Variants in ZNF516 observed in about 807,000 individuals in gnomAD.
ZNF516 encodes zinc finger protein 516.
In ZNF516, 19 loss-of-function variants were observed where a neutral mutation model predicts 79.7. That is an observed-to-expected ratio of 0.24 (90% confidence interval 0.17 to 0.35). ZNF516 has a LOEUF of 0.35. Ranked by LOEUF, ZNF516 falls within the 10% of genes least tolerant of loss-of-function variation. The pLI is 1.00. For missense variants in ZNF516, 1,678 were observed against 1,679.5 expected (o/e 1.00, Z 0.02); for synonymous variants, 877 against 739.5 (o/e 1.19, Z -3.02).
rs1912416768 is a variant in ZNF516 at position 76,451,583 on chromosome 18, ACT to A, written c.-157-8374_-157-8373del. Among the ~76,000 whole-genome samples, 1 of 152,012 alleles carries A rather than the reference ACT, an allele frequency of 6.6e-6. No individual in the cohort carries two copies. The highest frequency in any genetic ancestry group is 2.4e-5 in the African/African-American group (1 of 41,366). ...TACGCTGGTGCGTTTCTGAAGGACG[ACT>A]CTCAGACACGGTTGGTCCCGGCCAC... On this transcript the variant is annotated intron_variant, in intron 2 of 6. Coordinates refer to ENST00000443185, the MANE Select transcript of ZNF516 (RefSeq NM_014643.4). The surrounding 1 kb of genome is among the most constrained non-coding windows in gnomAD (Gnocchi z 6.0).
rs1911833596 is a variant in ZNF516 at position 76,443,219 on chromosome 18, A to T, written c.-157-8T>A. ...GCAGCTGGCAGCCAGCACCTGAAAC[A>T]GAGATGGAACATCATCAGCAAAGCT... is the stretch of plus-strand genomic sequence containing the variant. On this transcript the variant is annotated splice_polypyrimidine_tract_variant and splice_region_variant and intron_variant, in intron 2 of 6. Coordinates refer to ENST00000443185, the MANE Select transcript of ZNF516 (RefSeq NM_014643.4). 7.5e-6 allele frequency: 8 copies of T among 1,061,026 alleles called. No homozygotes were observed. Among genetic ancestry groups the T allele is most frequent in the Non-Finnish European group, 1.0e-5 (8 of 766,878 alleles). 65.7% of individuals were successfully genotyped at this position (1,061,026 alleles called of 1,614,324 possible).
chr18:76,386,502 G>C (rs2074994991), intron 3 of ZNF516: 1 of 152,176 alleles, frequency 6.6e-6, no homozygotes, highest in Non-Finnish European at 1.5e-5. Flanking sequence ...GTTAAGAAAA[G>C]GTAAAAGTTC....
At chr18:76,404,450 T>A (rs958710647) in intron 3 of ZNF516, among the ~76,000 whole-genome samples, 12 of 147,468 alleles carry the variant, frequency 8.1e-5, no homozygotes, top group African/African-American at 3.2e-4. Flanking sequence ...AGTGTGCATG[T>A]GTGTGAGCAA....
At chr18:76,433,702 G>A (rs938322846) in intron 3 of ZNF516, among the ~76,000 whole-genome samples, 2 of 152,162 alleles carry the variant, frequency 1.3e-5, no homozygotes, top group African/African-American at 4.8e-5. Flanking sequence ...CCAAAGGGCT[G>A]GGCAGAAGGG....
intron 4 of ZNF516, chr18:76,372,740 A>G (rs1487438910): frequency 6.6e-6 from 1 of 152,274 alleles, no homozygotes; most frequent in African/African-American, 2.4e-5. Flanking sequence ...AATTTCTTAT[A>G]TGACAGATCA....
At chr18:76,400,079 C>T (rs2187103) in intron 3 of ZNF516, among the ~76,000 whole-genome samples, 2,360 of 152,206 alleles carry the variant, frequency 0.016, 29 homozygotes, top group Middle Eastern at 0.041. Context: ...TTCCTGCACA[C>T]GCCCCCACTT....
chr18:76,400,058 G>GA (rs2075198883), intron 3 of ZNF516, among the ~76,000 whole-genome samples: 1 of 152,144 alleles, frequency 6.6e-6, no homozygotes, highest in African/African-American at 2.4e-5. Context: ...CAGCCCTTCT[G>GA]AAAGTGGCCC....
intron 3 of ZNF516, among the ~76,000 whole-genome samples, chr18:76,410,271 C>A (rs954490478): frequency 2.0e-5 from 3 of 152,182 alleles, no homozygotes; most frequent in Non-Finnish European, 4.4e-5. Context: ...CTGGTTGTCA[C>A]AAAATAGTGG....
At chr18:76,490,697 A>G in intron 1 of ZNF516, 1 of 891,540 alleles carries the variant, frequency 1.1e-6, no homozygotes. Flanking sequence ...TCAAGATTCG[A>G]AACTGCATGG....
At chr18:76,432,993 A>T (rs914193013) in intron 3 of ZNF516, among the ~76,000 whole-genome samples, 1 of 152,154 alleles carries the variant, frequency 6.6e-6, no homozygotes, top group Non-Finnish European at 1.5e-5. Context: ...AACAACACCA[A>T]AAGCGAGACC....
At chr18:76,424,083 A>G (rs2075553461) in intron 3 of ZNF516, among the ~76,000 whole-genome samples, 1 of 110,618 alleles carries the variant, frequency 9.0e-6, no homozygotes, top group Admixed American at 8.7e-5. Flanking sequence ...CTCCTGAAAC[A>G]TACACACGCA....
intron 6 of ZNF516, among the ~76,000 whole-genome samples, chr18:76,366,623 T>C (rs989956843): frequency 4.6e-5 from 7 of 152,242 alleles, no homozygotes; most frequent in South Asian, 2.1e-4. Context: ...GCCATCTGTC[T>C]ACACGGGCGT....
chr18:76,392,587 T>G (rs1599171731), intron 3 of ZNF516, among the ~76,000 whole-genome samples: 1 of 68,534 alleles, frequency 1.5e-5, no homozygotes, highest in Non-Finnish European at 2.9e-5. Context: ...GGAAGGCAGG[T>G]GGCCGGGTGG....
chr18:76,421,051 A>G (rs1318488557), intron 3 of ZNF516, among the ~76,000 whole-genome samples: 1 of 152,202 alleles, frequency 6.6e-6, no homozygotes, highest in Non-Finnish European at 1.5e-5. Context: ...GGCGTGGACA[A>G]TTTCTAACAG....
At chr18:76,463,749 C>T (rs1030593591) in intron 1 of ZNF516, among the ~76,000 whole-genome samples, 8 of 152,186 alleles carry the variant, frequency 5.3e-5, no homozygotes, top group Admixed American at 2.6e-4. Context: ...CCACGGAATC[C>T]CCAGATGTTT....
At chr18:76,483,803 C>T (rs977360655) in intron 1 of ZNF516, among the ~76,000 whole-genome samples, 3 of 152,182 alleles carry the variant, frequency 2.0e-5, no homozygotes, top group South Asian at 2.1e-4. Flanking sequence ...TATCCTGGCA[C>T]CCACTGCGGG....
At chr18:76,487,836 C>A (rs1414751362) in intron 1 of ZNF516, 4 of 664,624 alleles carry the variant, frequency 6.0e-6, no homozygotes, top group Non-Finnish European at 7.4e-6. Context: ...TCCTCTATGG[C>A]CCCTAGATAC....
At chr18:76,441,143 G>C (rs1009187209) in intron 3 of ZNF516, 102 bp downstream of exon 3, 2 of 1,439,794 alleles carry the variant, frequency 1.4e-6, no homozygotes, top group African/African-American at 1.4e-5. Flanking sequence ...CACCGGGTAA[G>C]GGGCTAATGA....
intron 3 of ZNF516, among the ~76,000 whole-genome samples, chr18:76,405,572 T>G (rs1402038536): frequency 6.6e-6 from 1 of 152,060 alleles, no homozygotes; most frequent in African/African-American, 2.4e-5. Flanking sequence ...TCTTCCCTTC[T>G]ACCCCTTTCA....
Sources: allele counts gnomAD v4.1 joint callset (sites outside exome capture counted in the v4.1 genomes callset), GRCh38; gene constraint gnomAD v4.1.1; non-coding constraint Gnocchi (gnomAD v3.1); transcripts MANE v1.5; gene names NCBI Gene and HGNC (gene_info 2026-07-23, HGNC 2026-07-21).